Variants in KLB observed in about 807,000 individuals in gnomAD.
The protein encoded by KLB is beta-klotho.
KLB carries 44 observed loss-of-function variants against 88.4 expected under a neutral mutation model. The ratio of observed to expected loss-of-function variants is 0.50; its 90% CI spans 0.39 to 0.64. KLB has a LOEUF of 0.64. Ranked by LOEUF, KLB falls within the 30% of genes least tolerant of loss-of-function variation. KLB has a pLI of 0.00. For missense variants in KLB, 1,137 were observed against 1,304.8 expected (o/e 0.87, Z 1.98); for synonymous variants, 548 against 513.4 (o/e 1.07, Z -0.91).
intron 1 of KLB, among the ~76,000 whole-genome samples, chr4:39,433,132 G>A (rs112595300): frequency 0.023 from 3,507 of 152,118 alleles, 127 homozygotes; most frequent in African/African-American, 0.077. Context: ...CGCCTACCTC[G>A]GCCTTTCAAA....
Position 39,434,281 on chromosome 4 carries a change from G to A in KLB, c.897G>A (p.Thr299=), listed in dbSNP as rs1028208417. ...RPHQKGWLSI[T]LGSHWIEPNR... ...ATCAGAAGGGTTGGTTATCGATCACGTTGGGATCTCATTGGATCGAGCCAA... is the reference window on the plus strand; with the variant it reads ...ATCAGAAGGGTTGGTTATCGATCACATTGGGATCTCATTGGATCGAGCCAA... The change falls in exon 2 of 5, where the codon ACG becomes ACA. Residue 299 remains threonine, a synonymous_variant. Coordinates refer to ENST00000257408, the MANE Select transcript of KLB (RefSeq NM_175737.4). 7.4e-6 allele frequency: 12 copies of A among 1,613,952 alleles called. No individual in the cohort carries two copies. The highest frequency in any genetic ancestry group is 2.2e-5 in the East Asian group (1 of 44,896).
intron 4 of KLB, 23 bp from the exon 5 acceptor site, chr4:39,448,278 T>C (rs1743806374): frequency 6.6e-7 from 1 of 1,512,130 alleles, no homozygotes. Flanking sequence ...TTGTGATTAA[T>C]GTTAATTTCT....
chr4:39,407,142 C>T lies in KLB; in HGVS notation c.193C>T (p.Pro65Ser). Residue 65 changes from proline (P) to serine (S), a missense_variant, in exon 1 of 5, where the codon CCT (proline) becomes TCT (serine). Coordinates refer to ENST00000257408, the MANE Select transcript of KLB (RefSeq NM_175737.4). ...TGGAAGAGCTATATGGTCTAAAAAT[C>T]CTAATTTTACTCCGGTAAATGAAAG... Reference protein sequence around the residue: ...GDGRAIWSKNPNFTPVNESQL... With the variant: ...GDGRAIWSKNSNFTPVNESQL... 1 of 1,614,100 alleles carries T rather than the reference C, an allele frequency of 6.2e-7. No homozygotes were observed. The highest frequency in any genetic ancestry group is 8.5e-7 in the Non-Finnish European group (1 of 1,179,996).
chr4:39,424,291 G>A (rs1254260485), intron 1 of KLB, among the ~76,000 whole-genome samples: 3 of 151,860 alleles, frequency 2.0e-5, no homozygotes, highest in African/African-American at 4.9e-5. Context: ...GGCCGGTCTC[G>A]AACTCCTGGG....
chr4:39,415,698 A>G (rs1742950350), intron 1 of KLB, among the ~76,000 whole-genome samples: 1 of 152,200 alleles, frequency 6.6e-6, no homozygotes, highest in Non-Finnish European at 1.5e-5. Context: ...ACAATAGTCA[A>G]TAAAGTATAT....
At chr4:39,445,562 T>C (rs896538658) in intron 3 of KLB, among the ~76,000 whole-genome samples, 3 of 149,798 alleles carry the variant, frequency 2.0e-5, no homozygotes, top group Non-Finnish European at 4.4e-5. Flanking sequence ...TGGAGTGCAA[T>C]GGCATGATCT....
At chr4:39,409,458 ATTTTTGT>A (rs1742793833) in intron 1 of KLB, among the ~76,000 whole-genome samples, 2 of 150,928 alleles carry the variant, frequency 1.3e-5, no homozygotes, top group Admixed American at 1.3e-4. Context: ...AGCCCAGTTA[ATTTTTGT>A]GTTTTTAGTA....
intron 1 of KLB, among the ~76,000 whole-genome samples, chr4:39,428,999 G>A (rs1266505115): frequency 1.3e-5 from 2 of 152,174 alleles, no homozygotes; most frequent in Non-Finnish European, 2.9e-5. Flanking sequence ...ATGAGCCATG[G>A]CACCCGGTCT....
At chr4:39,442,196 C>T (rs931083801) in intron 3 of KLB, among the ~76,000 whole-genome samples, 1 of 151,476 alleles carries the variant, frequency 6.6e-6, no homozygotes, top group African/African-American at 2.4e-5. Context: ...GAGCTGTGAT[C>T]GTGCCACAGC....
chr4:39,441,329 A>G (rs1743592069), intron 3 of KLB, among the ~76,000 whole-genome samples: 1 of 152,074 alleles, frequency 6.6e-6, no homozygotes, highest in African/African-American at 2.4e-5. Flanking sequence ...TTCATATTCA[A>G]ATTTTGCTAA....
Position 39,446,257 on chromosome 4 carries a change from A to C in KLB, c.1606-75A>C. The C allele has an allele frequency of 1.5e-6, 2 of 1,359,246 alleles. No homozygotes were observed. Among genetic ancestry groups the C allele is most frequent in the Non-Finnish European group, 2.0e-6 (2 of 991,248 alleles). The allele number at this position is 1,359,246 out of a possible 1,614,324, so 84.2% of individuals were successfully genotyped here. On this transcript the variant is annotated intron_variant, in intron 3 of 4. Transcript: ENST00000257408. This position sits in a 1 kb window ranked among gnomAD's most constrained non-coding sequence, Gnocchi z 6.4. ...TGGCCTGTAATCCCAGCACTTTGGG[A>C]GGCAGAGGTAGGCAGATCACTTGAG...
rs1743424447 is a variant in KLB, at chr4:39,434,363, C to T, written c.979C>T (p.Leu327Phe). ...FKCQQSMVSVLGWFANPIHGD... is the reference protein window; with the variant it reads ...FKCQQSMVSVFGWFANPIHGD... Reference sequence around the variant, plus strand: ...ATGTCAACAATCCATGGTTTCTGTGCTTGGATGGTTTGCCAACCCTATCCA... The same window carrying T: ...ATGTCAACAATCCATGGTTTCTGTGTTTGGATGGTTTGCCAACCCTATCCA... Residue 327 changes from leucine to phenylalanine, a missense_variant, in exon 2 of 5, where the codon CTT becomes TTT. This residue lies in a region of KLB where 597 missense variants were observed against 765.2 expected (regional missense o/e 0.78). Transcript: ENST00000257408. The T allele has an allele frequency of 6.2e-7, 1 of 1,614,036 alleles. No homozygotes were observed.
intron 1 of KLB, among the ~76,000 whole-genome samples, chr4:39,425,889 G>T (rs572353921): frequency 6.6e-6 from 1 of 151,890 alleles, no homozygotes; most frequent in Non-Finnish European, 1.5e-5. Context: ...AGGCTGAGGC[G>T]GGCGGATTAC....
At chr4:39,441,964 G>A (rs2687960) in intron 3 of KLB, among the ~76,000 whole-genome samples, 2,139 of 152,182 alleles carry the variant, frequency 0.014, 28 homozygotes, top group Middle Eastern at 0.065. Context: ...AAGCCAGACC[G>A]GGCATGGTGA....
intron 3 of KLB, among the ~76,000 whole-genome samples, chr4:39,441,206 G>C (rs1474967414): frequency 6.6e-6 from 1 of 152,104 alleles, no homozygotes; most frequent in Non-Finnish European, 1.5e-5. Context: ...GTGATTAAAG[G>C]GGGAAAGTTA....
intron 3 of KLB, among the ~76,000 whole-genome samples, chr4:39,438,697 C>G (rs937059561): frequency 6.6e-6 from 1 of 152,246 alleles, no homozygotes; most frequent in African/African-American, 2.4e-5. Flanking sequence ...ATATACCTCA[C>G]TAGGGCAGTG....
In KLB at chr4:39,427,683, G is replaced by A. The variant is rs563394508; in HGVS notation, c.826-6527G>A. On this transcript the variant is annotated intron_variant, in intron 1 of 4. Transcript: ENST00000257408. ...GAGCTATTTGCAGAACACTCTTCAC[G>A]TCCACACAGTCTCCATTACGATTTT... Among the ~76,000 whole-genome samples the A allele has an allele frequency of 2.2e-3, 330 of 152,230 alleles. 3 individuals are homozygous for A. Among genetic ancestry groups the A allele is most frequent in the Non-Finnish European group, 1.8e-3 (120 of 68,010 alleles).
chr4:39,437,658 A>T, intron 2 of KLB, 69 bp from the exon 3 acceptor site: 1 of 1,485,070 alleles, frequency 6.7e-7, no homozygotes, highest in Non-Finnish European at 9.1e-7. Flanking sequence ...CTGGCATGTT[A>T]GTGAAATTGT....
intron 3 of KLB, among the ~76,000 whole-genome samples, chr4:39,444,801 T>G (rs747539283): frequency 6.6e-5 from 10 of 152,244 alleles, no homozygotes; most frequent in Non-Finnish European, 8.8e-5. Flanking sequence ...TTTAACTTCA[T>G]GCTCACATGA....
Sources: allele counts gnomAD v4.1 joint callset (sites outside exome capture counted in the v4.1 genomes callset), GRCh38; gene constraint gnomAD v4.1.1; regional missense constraint gnomAD v4.1.1; non-coding constraint Gnocchi (gnomAD v3.1); transcripts MANE v1.5; gene names NCBI Gene and HGNC (gene_info 2026-07-23, HGNC 2026-07-21).